SNX27: variants seen among roughly 807,000 people sequenced by gnomAD.
SNX27 encodes the protein sorting nexin 27.
In SNX27, 22 loss-of-function variants were observed where a neutral mutation model predicts 71.6. The ratio of observed to expected loss-of-function variants is 0.31; its 90% CI spans 0.22 to 0.44. SNX27 has a LOEUF of 0.44. Ranked by LOEUF, SNX27 falls within the 20% of genes least tolerant of loss-of-function variation. The probability of loss-of-function intolerance (pLI) is 1.00; values close to 1 mark genes in which losing one functional copy is unlikely to be tolerated. For synonymous variants in SNX27, 269 were observed against 277.2 expected, an observed-to-expected ratio of 0.97 and a Z score of 0.29; for missense variants, 531 against 698.6, an observed-to-expected ratio of 0.76 and a Z score of 2.70.
chr1:151,633,240 T>C (rs915120090), intron 1 of SNX27, among the ~76,000 whole-genome samples: 4 of 152,162 alleles, frequency 2.6e-5, no homozygotes, highest in African/African-American at 4.8e-5. Flanking sequence ...AGTTTGAGTT[T>C]TGGCAAAAGT....
At chr1:151,635,559 A>G (rs1245320875) in intron 1 of SNX27, among the ~76,000 whole-genome samples, 1 of 152,226 alleles carries the variant, frequency 6.6e-6, no homozygotes, top group Non-Finnish European at 1.5e-5. Context: ...AAATTATATC[A>G]TATAACATTT....
chr1:151,612,599 C>T lies in SNX27; in HGVS notation c.311+87C>T. 9.4e-7 allele frequency: 1 copy of T among 1,061,592 alleles called. No individual in the cohort carries two copies. The highest frequency in any genetic ancestry group is 4.3e-5 in the Admixed American group (1 of 23,430). The allele number at this position is 1,061,592 out of a possible 1,614,324, so 65.8% of individuals were successfully genotyped here. On this transcript the variant is annotated intron_variant, in intron 1 of 11. Transcript: ENST00000458013. This position sits in a 1 kb window ranked among gnomAD's most constrained non-coding sequence, Gnocchi z 5.2. ...CGCTACCCTTGTCACCCCCAGGCCG[C>T]ACCTCCCCCGAGCTCCGAGCCGGCC...
At chr1:151,653,616 T>G (rs1240452170) in intron 2 of SNX27, among the ~76,000 whole-genome samples, 1 of 152,128 alleles carries the variant, frequency 6.6e-6, no homozygotes, top group Non-Finnish European at 1.5e-5. Context: ...CTTCCTGGCT[T>G]AAGCATTCCT....
intron 9 of SNX27, 68 bp downstream of exon 9, chr1:151,692,652 G>A (rs1204258144): frequency 2.9e-5 from 45 of 1,563,760 alleles, no homozygotes; most frequent in South Asian, 1.5e-4. Context: ...TGCTTGTGAC[G>A]TTTTAATTCC....
intron 1 of SNX27, chr1:151,629,325 C>T (rs993271659): frequency 2.6e-5 from 4 of 151,754 alleles, no homozygotes; most frequent in Admixed American, 2.0e-4. Flanking sequence ...TGTGTTTAGG[C>T]GCTTGCTTCA....
chr1:151,668,291 A>C (rs553304239), intron 6 of SNX27, among the ~76,000 whole-genome samples, 181 bp from the exon 7 acceptor site: 47 of 152,338 alleles, frequency 3.1e-4, no homozygotes, highest in Non-Finnish European at 5.1e-4. Flanking sequence ...ATAGCTAGAA[A>C]GGATATTTGG....
chr1:151,668,507 C>G lies in SNX27; in HGVS notation c.1021C>G (p.Leu341Val). 1 of 1,613,600 alleles carries G rather than the reference C, an allele frequency of 6.2e-7. No individual in the cohort carries two copies. The highest frequency in any genetic ancestry group is 8.5e-7 in the Non-Finnish European group (1 of 1,179,816). ...GGCACCTAATGAGTTTCCTCACAAA[C>G]TCTACATTCAGAATTATACATCAGC... ...KLAPNEFPHKLYIQNYTSAVP... is the reference protein window; with the variant it reads ...KLAPNEFPHKVYIQNYTSAVP... The change falls in exon 7 of 12, where the codon CTC becomes GTC. Residue 341 changes from leucine (L) to valine (V), a missense_variant. Leu to Val is a conservative substitution (Grantham distance 32, BLOSUM62 1). Transcript: ENST00000458013.
intron 1 of SNX27, among the ~76,000 whole-genome samples, chr1:151,625,920 A>T (rs1048878557): frequency 1.3e-5 from 2 of 151,756 alleles, no homozygotes; most frequent in Non-Finnish European, 2.9e-5. Flanking sequence ...TGCATTCCAG[A>T]GCTTGGGCAA....
Position 151,639,022 on chromosome 1 carries a change from C to T in SNX27, c.446C>T (p.Ser149Leu), listed in dbSNP as rs763230341. Residue 149 changes from serine (S) to leucine (L), a missense_variant, in exon 2 of 12, where the codon TCG becomes TTG. Coordinates refer to ENST00000458013, the MANE Select transcript of SNX27 (RefSeq NM_001330723.2). The stretch of plus-strand genomic sequence containing the variant: ...GATAACCTAGATCCCAGTGACGACT[C>T]GTTGGGACAATCATTTTATGATTAC... ...EADNLDPSDD[S>L]LGQSFYDYTE... 22 of 1,614,008 alleles carry T rather than the reference C, an allele frequency of 1.4e-5. No homozygotes were observed. Among genetic ancestry groups the T allele is most frequent in the Middle Eastern group, 3.3e-4 (2 of 6,084 alleles).
chr1:151,627,188 C>T (rs1214318367), intron 1 of SNX27, among the ~76,000 whole-genome samples: 1 of 152,204 alleles, frequency 6.6e-6, no homozygotes, highest in Non-Finnish European at 1.5e-5. Flanking sequence ...TGCATTACCA[C>T]ATGGATTATT....
intron 2 of SNX27, among the ~76,000 whole-genome samples, chr1:151,641,552 A>C (rs1668718628): frequency 1.5e-5 from 2 of 137,088 alleles, no homozygotes; most frequent in African/African-American, 5.4e-5. Flanking sequence ...TTATTATTTT[A>C]TTGTAGGGGT....
chr1:151,645,243 C>G (rs1311895687), intron 2 of SNX27, among the ~76,000 whole-genome samples: 1 of 152,146 alleles, frequency 6.6e-6, no homozygotes, highest in Non-Finnish European at 1.5e-5. Context: ...TATTTCTGAA[C>G]TTTTTACTCT....
At chr1:151,667,652 C>T (rs1036072457) in intron 6 of SNX27, among the ~76,000 whole-genome samples, 13 of 151,590 alleles carry the variant, frequency 8.6e-5, no homozygotes, top group African/African-American at 1.9e-4. Flanking sequence ...GGTGAAACCC[C>T]GTCTCTACTA....
Position 151,694,432 on chromosome 1 carries a change from CT to C in SNX27, c.*17del, listed in dbSNP as rs1671609263. ...TGGCCACCTAGCCTTTCCTTATCCC[CT>C]TCCCTTCCCTTCACCCCCATCCTCT... On this transcript the variant is annotated 3_prime_UTR_variant, in exon 12 of 12. Coordinates refer to ENST00000458013, the MANE Select transcript of SNX27 (RefSeq NM_001330723.2). 6.5e-7 allele frequency: 1 copy of C among 1,546,522 alleles called. No individual in the cohort carries two copies.
At chr1:151,628,046 G>A (rs1430689605) in intron 1 of SNX27, among the ~76,000 whole-genome samples, 31 of 138,948 alleles carry the variant, frequency 2.2e-4, no homozygotes, top group African/African-American at 5.9e-4. Flanking sequence ...TCACTCTGTC[G>A]CCCAGGCTGG....
chr1:151,626,122 C>T (rs1157428937), intron 1 of SNX27, among the ~76,000 whole-genome samples: 3 of 151,786 alleles, frequency 2.0e-5, no homozygotes, highest in African/African-American at 2.4e-5. Flanking sequence ...GAGCGAGACT[C>T]CGTTTCAAAA....
chr1:151,612,295 G>T lies in SNX27; in HGVS notation c.94G>T (p.Gly32Trp). Residue 32 changes from glycine to tryptophan, a missense_variant, in exon 1 of 12, where the codon GGG becomes TGG. Transcript: ENST00000458013. This position sits in a 1 kb window ranked among gnomAD's most constrained non-coding sequence, Gnocchi z 5.2. ...GGGGSGLHCA[G>W]NGGGGGGGPR... ...CGGGGGGTCTGGGCTCCACTGCGCC[G>T]GGAACGGCGGCGGGGGAGGCGGCGG... 6.6e-7 allele frequency: 1 copy of T among 1,514,710 alleles called. No individual in the cohort carries two copies. Among genetic ancestry groups the T allele is most frequent in the East Asian group, 2.7e-5 (1 of 36,530 alleles). 93.8% of individuals were successfully genotyped at this position (1,514,710 alleles called of 1,614,324 possible).
At chr1:151,647,992 T>TAA (rs923467531) in intron 2 of SNX27, among the ~76,000 whole-genome samples, 16 of 146,710 alleles carry the variant, frequency 1.1e-4, no homozygotes, top group African/African-American at 3.5e-4. Flanking sequence ...TTTAAGAAGT[T>TAA]AAAAAAAAAA....
In SNX27 at chr1:151,694,610, C is replaced by T; in HGVS notation, c.*193C>T. The T allele has an allele frequency of 1.9e-6, 1 of 527,046 alleles. No individual in the cohort carries two copies. The highest frequency in any genetic ancestry group is 3.2e-6 in the Non-Finnish European group (1 of 314,690). The allele number at this position is 527,046 out of a possible 1,614,324, so 32.6% of individuals were successfully genotyped here. A position where few individuals can be genotyped will look rare whatever the true frequency, so the allele number is the denominator to read the frequency against. On this transcript the variant is annotated 3_prime_UTR_variant, in exon 12 of 12. Coordinates refer to ENST00000458013, the MANE Select transcript of SNX27 (RefSeq NM_001330723.2). The stretch of plus-strand genomic sequence containing the variant: ...CTGGAATTGAGGTGGTAGTGAACAG[C>T]AGATCGGTCAGCACCAGAAGTCAAC...
Sources: allele counts gnomAD v4.1 joint callset (sites outside exome capture counted in the v4.1 genomes callset), GRCh38; gene constraint gnomAD v4.1.1; non-coding constraint Gnocchi (gnomAD v3.1); transcripts MANE v1.5; gene names NCBI Gene and HGNC (gene_info 2026-07-23, HGNC 2026-07-21).